The following PCDH15 variants were observed in gnomAD, a reference collection of about 807,000 sequenced individuals.
The protein encoded by PCDH15 is protocadherin-15.
A neutral mutation model predicts 178.5 loss-of-function variants in PCDH15; 129 were observed. The observed-to-expected ratio is 0.72, with a 90% confidence interval of 0.63 to 0.84. PCDH15 has a LOEUF of 0.84. Among genes scored for constraint, PCDH15 ranks in the 40% least tolerant of loss-of-function variants. The pLI is 0.00. For missense variants in PCDH15, 2,230 were observed against 2,099.9 expected (o/e 1.06, Z -1.21); for synonymous variants, 800 against 732.0 (o/e 1.09, Z -1.50).
intron 2 of PCDH15, among the ~76,000 whole-genome samples, chr10:55,080,948 C>T (rs973302092): frequency 2.0e-5 from 3 of 152,108 alleles, no homozygotes; most frequent in African/African-American, 7.2e-5. Flanking sequence ...AAAAGGAACC[C>T]ATTGTTAGAT....
At chr10:54,930,179 C>G (rs994031947) in intron 2 of PCDH15, among the ~76,000 whole-genome samples, 2 of 152,132 alleles carry the variant, frequency 1.3e-5, no homozygotes, top group Non-Finnish European at 2.9e-5. Context: ...GTGGAGCCAA[C>G]CAAGTAAAAA....
intron 26 of PCDH15, among the ~76,000 whole-genome samples, chr10:53,869,900 A>T (rs1900437): frequency 0.67 from 102,655 of 152,084 alleles, 35,061 homozygotes; most frequent in Middle Eastern, 0.77. Context: ...GCCTATTTTT[A>T]AAACTTTACA....
At chr10:55,254,038 T>C (rs950762391) in intron 1 of PCDH15, among the ~76,000 whole-genome samples, 16 of 152,174 alleles carry the variant, frequency 1.1e-4, no homozygotes, top group African/African-American at 3.4e-4. Flanking sequence ...TATACACAGG[T>C]CTTCTTTGAA....
intron 3 of PCDH15, among the ~76,000 whole-genome samples, chr10:54,844,981 TTC>T (rs1160592835): frequency 6.6e-6 from 1 of 151,982 alleles, no homozygotes; most frequent in East Asian, 1.9e-4. Flanking sequence ...TCATTTACTT[TTC>T]TTCTGCTTTC....
intron 2 of PCDH15, among the ~76,000 whole-genome samples, chr10:54,900,712 C>A (rs1954624942): frequency 6.6e-6 from 1 of 152,138 alleles, no homozygotes; most frequent in African/African-American, 2.4e-5. Context: ...ATACCTTGTT[C>A]TAGATATGAA....
intron 2 of PCDH15, among the ~76,000 whole-genome samples, chr10:54,939,862 C>G (rs887542233): frequency 1.3e-5 from 2 of 152,096 alleles, no homozygotes; most frequent in African/African-American, 4.8e-5. Flanking sequence ...GAGCACTAAT[C>G]TAGTTCGTGA....
At chr10:54,841,509 T>A (rs1199790454) in intron 3 of PCDH15, among the ~76,000 whole-genome samples, 1 of 151,484 alleles carries the variant, frequency 6.6e-6, no homozygotes, top group Non-Finnish European at 1.5e-5. Flanking sequence ...GGAAAAAAAA[T>A]CTTTTCAGGC....
intron 8 of PCDH15, among the ~76,000 whole-genome samples, chr10:54,256,020 G>A (rs1431925122): frequency 6.6e-6 from 1 of 152,178 alleles, no homozygotes; most frequent in African/African-American, 2.4e-5. Flanking sequence ...ATGTAAGAAA[G>A]GGGAAGACCT....
At chr10:54,515,790 G>C (rs1258545560) in intron 3 of PCDH15, among the ~76,000 whole-genome samples, 1 of 152,180 alleles carries the variant, frequency 6.6e-6, no homozygotes, top group African/African-American at 2.4e-5. Context: ...AACTTCCAGA[G>C]GACCCATCAG....
Position 54,927,153 on chromosome 10 carries a change from G to T in PCDH15, c.-79-29653C>A, listed in dbSNP as rs79592427. Reference sequence around the variant, plus strand: ...GGTGTGTTGTATACTTGTTCTGATTGGTTTTAAAGAACTTCTTGATTTCTG... The same window carrying T: ...GGTGTGTTGTATACTTGTTCTGATTTGTTTTAAAGAACTTCTTGATTTCTG... On this transcript the variant is annotated intron_variant, in intron 2 of 5. Coordinates refer to the PCDH15 transcript ENST00000458638. 1.8e-4 allele frequency among the ~76,000 whole-genome samples: 27 copies of T among 152,008 alleles called. 1 individual carries two copies. In the East Asian group the frequency reaches 5.2e-3, roughly 29 times the overall value.
chr10:54,371,174 T>A (rs1329513369), intron 4 of PCDH15, among the ~76,000 whole-genome samples: 2 of 151,740 alleles, frequency 1.3e-5, no homozygotes, highest in Admixed American at 6.6e-5. Flanking sequence ...AAATGGTAAA[T>A]TTTTGCAATA....
chr10:54,798,044 G>A (rs1185463957), intron 1 of PCDH15, among the ~76,000 whole-genome samples: 1 of 151,910 alleles, frequency 6.6e-6, no homozygotes, highest in Non-Finnish European at 1.5e-5. Context: ...TGTATTCTCG[G>A]TTCTTGTCAC....
At chr10:54,290,153 G>A (rs1041883058) in intron 8 of PCDH15, among the ~76,000 whole-genome samples, 3 of 152,250 alleles carry the variant, frequency 2.0e-5, no homozygotes, top group African/African-American at 7.2e-5. Flanking sequence ...GAGAAAGGTC[G>A]AGTTACCCAC....
chr10:54,081,853 C>T (rs1242208475), intron 16 of PCDH15, among the ~76,000 whole-genome samples: 1 of 151,886 alleles, frequency 6.6e-6, no homozygotes, highest in African/African-American at 2.4e-5. Context: ...AGAAGACAGC[C>T]CCAAGAGATG....
At chr10:55,248,387 A>C (rs189229222) in intron 1 of PCDH15, among the ~76,000 whole-genome samples, 243 of 152,150 alleles carry the variant, frequency 1.6e-3, no homozygotes, top group African/African-American at 5.6e-3. Context: ...ATATATCCTT[A>C]ATTCAACTAT....
intron 2 of PCDH15, among the ~76,000 whole-genome samples, chr10:54,571,824 T>A (rs972287488): frequency 4.6e-5 from 7 of 152,168 alleles, no homozygotes; most frequent in African/African-American, 1.7e-4. Flanking sequence ...CAGAAACTCT[T>A]AGGCTTTGGA....
At chr10:54,026,657 C>T (rs1186428377) in intron 18 of PCDH15, among the ~76,000 whole-genome samples, 1 of 152,114 alleles carries the variant, frequency 6.6e-6, no homozygotes, top group African/African-American at 2.4e-5. Flanking sequence ...TACTGATTTG[C>T]GTATATTGAA....
intron 1 of PCDH15, among the ~76,000 whole-genome samples, chr10:54,794,126 GAT>G (rs532827234): frequency 4.2e-5 from 6 of 143,854 alleles, no homozygotes; most frequent in East Asian, 2.0e-4. Context: ...ATATATATAA[GAT>G]ATATATATAT....
intron 1 of PCDH15, among the ~76,000 whole-genome samples, chr10:54,721,245 A>C (rs930301568): frequency 6.6e-6 from 1 of 151,992 alleles, no homozygotes; most frequent in Non-Finnish European, 1.5e-5. Flanking sequence ...AAAGTACTAA[A>C]GGCAAAGTTT....
Sources: allele counts gnomAD v4.1 joint callset (sites outside exome capture counted in the v4.1 genomes callset), GRCh38; gene constraint gnomAD v4.1.1; transcripts MANE v1.5; gene names NCBI Gene and HGNC (gene_info 2026-07-23, HGNC 2026-07-21).